The following PRRX2 variants were observed in gnomAD, a reference collection of about 807,000 sequenced individuals.
The protein encoded by PRRX2 is paired related homeobox 2.
Under a neutral mutation model 18.0 loss-of-function variants are expected in PRRX2, and 11 were observed. The observed-to-expected ratio is 0.61, with a 90% confidence interval of 0.39 to 1.01. PRRX2 has a LOEUF of 1.01. Ranked by LOEUF, PRRX2 falls within the 50% of genes least tolerant of loss-of-function variation. The probability of loss-of-function intolerance (pLI) is 0.01; values close to 1 mark genes in which losing one functional copy is unlikely to be tolerated. For missense variants in PRRX2, 387 were observed against 351.0 expected (o/e 1.10, Z -0.82); for synonymous variants, 177 against 154.8 (o/e 1.14, Z -1.06).
intron 1 of PRRX2, among the ~76,000 whole-genome samples, chr9:129,680,911 AAC>A (rs1459029277): frequency 1.3e-5 from 2 of 152,240 alleles, no homozygotes; most frequent in Non-Finnish European, 2.9e-5. Flanking sequence ...CCATCTATAA[AAC>A]ACAACTGTTT....
Position 129,675,211 on chromosome 9 carries a change from A to T in PRRX2, c.259+9085A>T, listed in dbSNP as rs1832149078. On this transcript the variant is annotated intron_variant, in intron 1 of 3. Transcript: ENST00000372469. This position sits in a 1 kb window ranked among gnomAD's most constrained non-coding sequence, Gnocchi z 4.4. ...AGGCTAAGCCCCAGCATCCCCAGGG[A>T]CTGGATTTTGTGCCAAAGCTGCACT... Among the ~76,000 whole-genome samples the T allele has an allele frequency of 6.6e-6, 1 of 152,258 alleles. No homozygotes were observed. Among genetic ancestry groups the T allele is most frequent in the Admixed American group, 6.5e-5 (1 of 15,302 alleles).
chr9:129,694,565 G>C (rs371062778), intron 1 of PRRX2, among the ~76,000 whole-genome samples: 34 of 152,190 alleles, frequency 2.2e-4, no homozygotes, highest in African/African-American at 7.7e-4. Flanking sequence ...ATGCGTGCTC[G>C]GCAGGGAGGC....
At chr9:129,694,854 T>C (rs1411461586) in intron 1 of PRRX2, among the ~76,000 whole-genome samples, 1 of 152,106 alleles carries the variant, frequency 6.6e-6, no homozygotes, top group Non-Finnish European at 1.5e-5. Flanking sequence ...AACACTATGA[T>C]GTGTGCCATG....
intron 1 of PRRX2, among the ~76,000 whole-genome samples, chr9:129,677,378 C>T (rs1023276950): frequency 1.3e-5 from 2 of 152,272 alleles, no homozygotes; most frequent in Admixed American, 6.5e-5. Flanking sequence ...GCCCAGGTAT[C>T]ACACTGGCCA....
chr9:129,679,252 G>C (rs1832198588), intron 1 of PRRX2, among the ~76,000 whole-genome samples: 2 of 152,208 alleles, frequency 1.3e-5, no homozygotes, highest in South Asian at 4.1e-4. Context: ...GGCCATCCCA[G>C]GCTATCTGAC....
At chr9:129,687,916 G>A (rs1408337173) in intron 1 of PRRX2, among the ~76,000 whole-genome samples, 2 of 152,222 alleles carry the variant, frequency 1.3e-5, no homozygotes, top group African/African-American at 4.8e-5. Context: ...CTTTCTGGAG[G>A]TAGCGGGGAC....
intron 1 of PRRX2, among the ~76,000 whole-genome samples, chr9:129,701,165 A>C (rs1832490858): frequency 6.6e-6 from 1 of 152,248 alleles, no homozygotes. Flanking sequence ...AGGGGAAGTG[A>C]TGCAGCCGCT....
chr9:129,684,521 CA>C (rs1564147479), intron 1 of PRRX2, among the ~76,000 whole-genome samples: 1,360 of 41,558 alleles, frequency 0.033, 32 homozygotes, highest in African/African-American at 0.11. Context: ...CACACACACA[CA>C]CCCACACACA....
intron 1 of PRRX2, among the ~76,000 whole-genome samples, chr9:129,708,481 T>C (rs1376011378): frequency 6.6e-6 from 1 of 152,262 alleles, no homozygotes; most frequent in African/African-American, 2.4e-5. Flanking sequence ...GAGAAATGTC[T>C]ACTCAAATCC....
At chr9:129,700,342 CTTTT>C (rs34482094) in intron 1 of PRRX2, among the ~76,000 whole-genome samples, 2 of 138,346 alleles carry the variant, frequency 1.4e-5, no homozygotes. Context: ...TTGTTGTTGG[CTTTT>C]TTTTTTTTTT....
intron 1 of PRRX2, among the ~76,000 whole-genome samples, chr9:129,710,985 A>C (rs1832610871): frequency 1.3e-5 from 2 of 152,052 alleles, no homozygotes; most frequent in Admixed American, 1.3e-4. Context: ...CTGGGCCTGC[A>C]CACATCCTTA....
At chr9:129,693,808 T>C (rs894731505) in intron 1 of PRRX2, among the ~76,000 whole-genome samples, 6 of 152,208 alleles carry the variant, frequency 3.9e-5, no homozygotes, top group Admixed American at 3.9e-4. Context: ...TGCTTGTTTA[T>C]TTTAAAAGGC....
chr9:129,716,308 T>A (rs1413056248), intron 1 of PRRX2, among the ~76,000 whole-genome samples: 2 of 152,048 alleles, frequency 1.3e-5, no homozygotes, highest in Non-Finnish European at 2.9e-5. Context: ...AGGGCTCTGG[T>A]TGAATAAACA....
intron 1 of PRRX2, among the ~76,000 whole-genome samples, chr9:129,685,655 T>A (rs1289613127): frequency 1.3e-5 from 2 of 152,214 alleles, no homozygotes; most frequent in Non-Finnish European, 2.9e-5. Flanking sequence ...TTTCCCTTCT[T>A]CACTGTACTT....
intron 1 of PRRX2, among the ~76,000 whole-genome samples, chr9:129,696,432 A>G (rs1397456708): frequency 6.6e-6 from 1 of 151,992 alleles, no homozygotes; most frequent in Non-Finnish European, 1.5e-5. Flanking sequence ...AAAATTGGCC[A>G]GGCGTGGTAG....
intron 1 of PRRX2, among the ~76,000 whole-genome samples, chr9:129,702,066 A>C (rs1473752980): frequency 6.6e-6 from 1 of 150,402 alleles, no homozygotes; most frequent in Non-Finnish European, 1.5e-5. Context: ...GCACCACTGC[A>C]CTCCAGCCTG....
chr9:129,680,418 A>AG (rs1832213582), intron 1 of PRRX2, among the ~76,000 whole-genome samples: 1 of 70,550 alleles, frequency 1.4e-5, no homozygotes, highest in Non-Finnish European at 2.8e-5. Context: ...AAAAAAAAAG[A>AG]AAAGAAAAGA....
chr9:129,674,953 C>T (rs1426061103), intron 1 of PRRX2, among the ~76,000 whole-genome samples: 6 of 152,146 alleles, frequency 3.9e-5, no homozygotes, highest in Non-Finnish European at 8.8e-5. Context: ...GGAGCCTAGG[C>T]CTATGCGTCT....
chr9:129,696,619 T>A (rs735782), intron 1 of PRRX2, among the ~76,000 whole-genome samples: 53,908 of 152,030 alleles, frequency 0.35, 10,513 homozygotes, highest in East Asian at 0.57. Context: ...ATACATTTTA[T>A]AAAGCAAAGC....
Sources: gnomAD v4.1 joint callset for allele counts (sites outside exome capture counted in the v4.1 genomes callset) on GRCh38, gnomAD v4.1.1 for gene constraint, Gnocchi (gnomAD v3.1) non-coding constraint, MANE v1.5 for transcripts, NCBI Gene and HGNC (gene_info 2026-07-23, HGNC 2026-07-21) for gene names.